Variants in CDIP1 observed in about 807,000 individuals in gnomAD.
CDIP1 encodes the protein cell death inducing p53 target 1.
A neutral mutation model predicts 17.7 loss-of-function variants in CDIP1; 9 were observed. The ratio of observed to expected loss-of-function variants is 0.51; its 90% CI spans 0.31 to 0.89. The LOEUF is 0.89. Ranked by LOEUF, CDIP1 falls within the 40% of genes least tolerant of loss-of-function variation. The pLI is 0.05. For synonymous variants in CDIP1, 117 were observed against 109.5 expected (o/e 1.07, Z -0.43); for missense variants, 263 against 277.9 (o/e 0.95, Z 0.38).
At chr16:4,515,673 T>C (rs1362717216) in intron 1 of CDIP1, among the ~76,000 whole-genome samples, 1 of 152,226 alleles carries the variant, frequency 6.6e-6, no homozygotes, top group Non-Finnish European at 1.5e-5. Context: ...CTACTGAGCG[T>C]CTTTTCATAA....
rs943137820 is a variant in CDIP1, at chr16:4,538,626, G to A, written c.-105+76C>T. The A allele has an allele frequency of 3.3e-5, 5 of 152,376 alleles. No homozygotes were observed. In the East Asian group the frequency reaches 7.7e-4, roughly 24 times the overall value. The allele number at this position is 152,376 out of a possible 1,614,324, so 9.4% of individuals were successfully genotyped here. ...GAGGTCACGCCCCGACCTGAGGAGA[G>A]CTGGCGCCCAGACCCTTCCCCCGGG... On this transcript the variant is annotated intron_variant, in intron 1 of 5. Transcript: ENST00000567695.
intron 1 of CDIP1, among the ~76,000 whole-genome samples, chr16:4,527,222 G>T (rs567279514): frequency 6.6e-6 from 1 of 152,046 alleles, no homozygotes; most frequent in African/African-American, 2.4e-5. Context: ...CGAGTAGCTG[G>T]GACTACAGGC....
chr16:4,521,376 C>T (rs746578579), intron 1 of CDIP1, among the ~76,000 whole-genome samples: 25 of 152,136 alleles, frequency 1.6e-4, no homozygotes, highest in Non-Finnish European at 2.9e-5. Flanking sequence ...GGAACCCCCA[C>T]TAGAAGTTAA....
rs1458704643 is a variant in CDIP1, at chr16:4,514,121, C to T, written c.10G>A (p.Glu4Lys). Residue 4 changes from glutamate to lysine, a missense_variant, in exon 3 of 6, where the codon GAG becomes AAG. Glu to Lys is a moderately conservative substitution (Grantham distance 56). Transcript: ENST00000567695. This position sits in a 1 kb window ranked among gnomAD's most constrained non-coding sequence, Gnocchi z 5.2. ...CCCCCAGGATAAGGAGGGGGAGGCTCGCTGGACATCTTCGCTGCTTCTCCT... is the reference window on the plus strand; with the variant it reads ...CCCCCAGGATAAGGAGGGGGAGGCTTGCTGGACATCTTCGCTGCTTCTCCT... MSSEPPPPYPGGPT... is the reference protein window; with the variant it reads MSSKPPPPYPGGPT... The T allele has an allele frequency of 6.5e-7, 1 of 1,543,452 alleles. No homozygotes were observed. Among genetic ancestry groups the T allele is most frequent in the Non-Finnish European group, 8.7e-7 (1 of 1,155,082 alleles).
intron 1 of CDIP1, among the ~76,000 whole-genome samples, chr16:4,529,853 C>G (rs1369442583): frequency 6.6e-6 from 1 of 152,224 alleles, no homozygotes; most frequent in African/African-American, 2.4e-5. Flanking sequence ...TCACGGCCAC[C>G]CAGGTGGAAG....
chr16:4,525,906 C>T (rs371684658), intron 1 of CDIP1, among the ~76,000 whole-genome samples: 1 of 152,212 alleles, frequency 6.6e-6, no homozygotes, highest in Non-Finnish European at 1.5e-5. Flanking sequence ...CCTCAGATAA[C>T]ATCGCGGGTG....
At chr16:4,516,322 C>A (rs1395865826) in intron 1 of CDIP1, among the ~76,000 whole-genome samples, 1 of 152,036 alleles carries the variant, frequency 6.6e-6, no homozygotes, top group South Asian at 2.1e-4. Context: ...GCTCTGAAAC[C>A]GATTGTAGCA....
chr16:4,516,973 C>T (rs1008576170), intron 1 of CDIP1, among the ~76,000 whole-genome samples: 12 of 152,116 alleles, frequency 7.9e-5, no homozygotes, highest in African/African-American at 1.9e-4. Context: ...TACAAGACTC[C>T]GTGACCGTTG....
intron 1 of CDIP1, among the ~76,000 whole-genome samples, chr16:4,526,683 G>C (rs1414779308): frequency 1.3e-5 from 2 of 149,442 alleles, no homozygotes; most frequent in Admixed American, 6.7e-5. Flanking sequence ...CTGGGCAACA[G>C]AGTGAGACTC....
At chr16:4,529,757 G>A (rs1244271542) in intron 1 of CDIP1, among the ~76,000 whole-genome samples, 8 of 152,228 alleles carry the variant, frequency 5.3e-5, no homozygotes, top group Non-Finnish European at 1.2e-4. Flanking sequence ...TATTCAACCA[G>A]CTGTCTGTTG....
Position 4,513,065 on chromosome 16 carries a change from C to A in CDIP1, c.242-1G>T. 6.3e-7 allele frequency: 1 copy of A among 1,585,626 alleles called. No homozygotes were observed. The highest frequency in any genetic ancestry group is 1.1e-5 in the South Asian group (1 of 87,774). On this transcript the variant is annotated splice_acceptor_variant, in intron 4 of 5. Transcript: ENST00000567695. LOFTEE classifies it high-confidence loss of function. This position sits in a 1 kb window ranked among gnomAD's most constrained non-coding sequence, Gnocchi z 4.1. Reference sequence around the variant, plus strand: ...TGGGGGCCTGGAGGAGGGTAGAAACCTGGAATGGCACAGAAGATGGAGGCG... The same window carrying A: ...TGGGGGCCTGGAGGAGGGTAGAAACATGGAATGGCACAGAAGATGGAGGCG...
At position 4,512,784 on chromosome 16, in the gene CDIP1, C is replaced by T. The variant is rs779561210; in HGVS notation, c.515+7G>A. 2.8e-5 allele frequency: 44 copies of T among 1,587,416 alleles called. No homozygotes were observed. In the South Asian group the frequency reaches 4.9e-4, roughly 18 times the overall value. ...GCCCCCACCCTACCAGTGCCCACAC[C>T]ACCTACCCCATGAAGCAACAGAAGA... On this transcript the variant is annotated splice_region_variant and intron_variant, in intron 5 of 5. Coordinates refer to ENST00000567695, the MANE Select transcript of CDIP1 (RefSeq NM_013399.3). This position sits in a 1 kb window ranked among gnomAD's most constrained non-coding sequence, Gnocchi z 4.6.
In CDIP1 at chr16:4,523,607, A is replaced by G. The variant is rs1027154838; in HGVS notation, c.-104-8943T>C. Among the ~76,000 whole-genome samples the G allele has an allele frequency of 2.0e-5, 3 of 152,234 alleles. No homozygotes were observed. The East Asian group carries it at 5.8e-4, about 29-fold the overall frequency. On this transcript the variant is annotated intron_variant, in intron 1 of 5. Coordinates refer to ENST00000567695, the MANE Select transcript of CDIP1 (RefSeq NM_013399.3). ...AAATAATCACCCCCCTCGCCAAAAA[A>G]CCACAAACACAATTACATCTGTGAC...
intron 1 of CDIP1, among the ~76,000 whole-genome samples, chr16:4,528,978 A>C (rs2059028328): frequency 6.6e-6 from 1 of 152,124 alleles, no homozygotes. Flanking sequence ...AACAAGAGCG[A>C]AACTCCATCT....
At chr16:4,522,260 TGCCAGGG>T (rs1437543691) in intron 1 of CDIP1, among the ~76,000 whole-genome samples, 1 of 152,160 alleles carries the variant, frequency 6.6e-6, no homozygotes. Context: ...GCTGTGGAAA[TGCCAGGG>T]GCCTGCCTGG....
Position 4,513,102 on chromosome 16 carries a change from G to A in CDIP1, c.242-38C>T, listed in dbSNP as rs1411748671. 5.3e-5 allele frequency: 81 copies of A among 1,536,186 alleles called. No individual in the cohort carries two copies. Among genetic ancestry groups the A allele is most frequent in the Non-Finnish European group, 6.8e-5 (78 of 1,149,096 alleles). On this transcript the variant is annotated intron_variant, in intron 4 of 5. Transcript: ENST00000567695. The surrounding 1 kb of genome is among the most constrained non-coding windows in gnomAD (Gnocchi z 4.1). The stretch of plus-strand genomic sequence containing the variant: ...AGAAGATGGAGGCGAGAGGTCACTG[G>A]CCTGCCACCTGCACCAGACAAAGAG...
chr16:4,533,184 A>C (rs184353640), intron 1 of CDIP1: 2 of 152,432 alleles, frequency 1.3e-5, no homozygotes, highest in African/African-American at 4.8e-5. Flanking sequence ...CAGGTGCTCC[A>C]GCAGAGAAAA....
chr16:4,514,103 G>A lies in CDIP1; in HGVS notation c.28C>T (p.Pro10Ser). 1 of 1,545,602 alleles carries A rather than the reference G, an allele frequency of 6.5e-7. No homozygotes were observed. The highest frequency in any genetic ancestry group is 8.6e-7 in the Non-Finnish European group (1 of 1,156,780). The change falls in exon 3 of 6, where the codon CCT (proline) becomes TCT (serine). Residue 10 changes from proline to serine, a missense_variant. Transcript: ENST00000567695. This position sits in a 1 kb window ranked among gnomAD's most constrained non-coding sequence, Gnocchi z 5.2. MSSEPPPPY[P>S]GGPTAPLLEE... Reference sequence around the variant, plus strand: ...AGAAGTGGGGCTGTGGGGCCCCCAGGATAAGGAGGGGGAGGCTCGCTGGAC... The same window carrying A: ...AGAAGTGGGGCTGTGGGGCCCCCAGAATAAGGAGGGGGAGGCTCGCTGGAC...
intron 1 of CDIP1, among the ~76,000 whole-genome samples, chr16:4,516,414 G>A (rs780229205): frequency 3.2e-4 from 49 of 152,086 alleles, no homozygotes; most frequent in Non-Finnish European, 2.1e-4. Flanking sequence ...CGTAAATTAT[G>A]TCAATAAAAC....
Sources: allele counts gnomAD v4.1 joint callset (sites outside exome capture counted in the v4.1 genomes callset), GRCh38; gene constraint gnomAD v4.1.1; non-coding constraint Gnocchi (gnomAD v3.1); transcripts MANE v1.5; gene names NCBI Gene and HGNC (gene_info 2026-07-23, HGNC 2026-07-21).